The following IL4I1 variants were observed in gnomAD, a reference collection of about 807,000 sequenced individuals.
The protein encoded by IL4I1 is interleukin 4 induced 1.
Under a neutral mutation model 29.7 loss-of-function variants are expected in IL4I1, and 24 were observed. That is an observed-to-expected ratio of 0.81 (90% CI 0.59 to 1.14). The LOEUF is 1.14. IL4I1 is among the 50% of genes most tolerant of loss of function. The pLI is 0.00. For missense variants in IL4I1, 686 were observed against 785.6 expected, an observed-to-expected ratio of 0.87 and a Z score of 1.52; for synonymous variants, 371 against 352.5, an observed-to-expected ratio of 1.05 and a Z score of -0.59.
chr19:49,921,040 A>C lies in IL4I1; in HGVS notation c.-228+6654T>G, dbSNP rs140094733. Among the ~76,000 whole-genome samples, 4 of 152,256 alleles carry C rather than the reference A, an allele frequency of 2.6e-5. No individual in the cohort carries two copies. The highest frequency in any genetic ancestry group is 9.6e-5 in the African/African-American group (4 of 41,534). ...TGGGGGCAGGGTGGCTTTCATTATG[A>C]GAACTGGAAGCAAACACAGCCCCTT... On this transcript the variant is annotated intron_variant, in intron 2 of 9. Coordinates refer to the IL4I1 transcript ENST00000341114. This position sits in a 1 kb window ranked among gnomAD's most constrained non-coding sequence, Gnocchi z 5.4.
Position 49,891,084 on chromosome 19 carries a change from G to T in IL4I1, c.660C>A (p.Asn220Lys), listed in dbSNP as rs1209482115. The change falls in exon 7 of 8, where the codon AAC (asparagine) becomes AAA (lysine). Residue 220 changes from asparagine (N) to lysine (K), a missense_variant. Physicochemically the swap from Asn to Lys is moderately conservative, Grantham distance 94. Transcript: ENST00000391826. Reference sequence around the variant, plus strand: ...GAAGCTGCACGGCCGGCCGGCTCAGGTTCCCCTCCCCGAGAAGATATTCCT... The same window carrying T: ...GAAGCTGCACGGCCGGCCGGCTCAGTTTCCCCTCCCCGAGAAGATATTCCT... ...TLLEYLLGEG[N>K]LSRPAVQLLG... The T allele has an allele frequency of 2.5e-6, 4 of 1,613,214 alleles. No homozygotes were observed. The highest frequency in any genetic ancestry group is 2.5e-6 in the Non-Finnish European group (3 of 1,179,868).
Position 49,908,039 on chromosome 19 carries a change from A to G in IL4I1, c.-227-3718T>C, listed in dbSNP as rs1002040433. 5 of 1,169,218 alleles carry G rather than the reference A, an allele frequency of 4.3e-6. No individual in the cohort carries two copies. The African/African-American group carries it at 7.7e-5, about 18-fold the overall frequency. The allele number at this position is 1,169,218 out of a possible 1,614,324, so 72.4% of individuals were successfully genotyped here. On this transcript the variant is annotated intron_variant, in intron 2 of 9. Transcript: ENST00000341114. ...GAAAGCCACAGAAGCCACACCCATG[A>G]GGCTGCTGCCTGGGCAGAAGGCCCA... is the stretch of plus-strand genomic sequence containing the variant.
chr19:49,896,064 G>A lies in IL4I1; in HGVS notation c.14-11C>T. On this transcript the variant is annotated splice_polypyrimidine_tract_variant and intron_variant, in intron 2 of 7. Transcript: ENST00000391826. ...CGAGGAGGTGCAGGGCTGGGAGGAG[G>A]AGGACAGGGTCAACGGGGTTGTGGC... The A allele has an allele frequency of 1.2e-6, 2 of 1,612,668 alleles. No homozygotes were observed. Among genetic ancestry groups the A allele is most frequent in the African/African-American group, 1.3e-5 (1 of 74,900 alleles).
At chr19:49,917,176 G>T (rs574239180) in intron 2 of IL4I1, among the ~76,000 whole-genome samples, 1 of 152,336 alleles carries the variant, frequency 6.6e-6, no homozygotes, top group African/African-American at 2.4e-5. Flanking sequence ...AGAGAAACAA[G>T]GGGAGATCAG....
intron 3 of IL4I1, 114 bp from the exon 4 acceptor site, chr19:49,895,294 AC>A: frequency 1.3e-6 from 1 of 776,534 alleles, no homozygotes; most frequent in Non-Finnish European, 2.1e-6. Context: ...AGTGGCCCAG[AC>A]CCAGACTAGG....
At chr19:49,923,403 C>T (rs764469857) in intron 2 of IL4I1, among the ~76,000 whole-genome samples, 3 of 152,120 alleles carry the variant, frequency 2.0e-5, no homozygotes, top group Non-Finnish European at 2.9e-5. Flanking sequence ...CAGCACAGGG[C>T]GGGGGGTTGT....
At chr19:49,919,609 A>G (rs1600540982) in intron 2 of IL4I1, among the ~76,000 whole-genome samples, 2 of 152,108 alleles carry the variant, frequency 1.3e-5, no homozygotes, top group African/African-American at 4.8e-5. Flanking sequence ...CCCTGAAGTC[A>G]CCTGACGGCT....
At chr19:49,918,685 G>T (rs1345099539) in intron 2 of IL4I1, 1 of 152,224 alleles carries the variant, frequency 6.6e-6, no homozygotes, top group African/African-American at 2.4e-5. Flanking sequence ...CGGGGGAGAA[G>T]CTGTGATGGA....
At chr19:49,903,830 GT>G (rs113175852) in intron 3 of IL4I1, among the ~76,000 whole-genome samples, 33 of 66,512 alleles carry the variant, frequency 5.0e-4, no homozygotes, top group South Asian at 2.1e-3. Context: ...TATGTGCTGG[GT>G]TTTTTTTTTT....
At chr19:49,901,892 T>C in intron 3 of IL4I1, 1 of 452,042 alleles carries the variant, frequency 2.2e-6, no homozygotes, top group Non-Finnish European at 4.0e-6. Context: ...AAAACCAGAG[T>C]GAGCAGGGGA....
At chr19:49,908,823 T>C (rs1184946692) in intron 2 of IL4I1, 6 of 1,613,332 alleles carry the variant, frequency 3.7e-6, no homozygotes, top group Non-Finnish European at 4.2e-6. Flanking sequence ...TGCGCGTAGG[T>C]CATGGCGGAG....
At chr19:49,894,593 G>A in intron 4 of IL4I1, 124 bp from the exon 5 acceptor site, 1 of 682,472 alleles carries the variant, frequency 1.5e-6, no homozygotes, top group Non-Finnish European at 2.5e-6. Flanking sequence ...CTGGGGGTGG[G>A]GCTAGATTTG....
intron 2 of IL4I1, among the ~76,000 whole-genome samples, chr19:49,914,728 T>TTTG (rs1485118424): frequency 2.2e-4 from 17 of 77,206 alleles, no homozygotes; most frequent in African/African-American, 3.2e-4. Context: ...AAGTCCCAGT[T>TTTG]TTTTTTTTTT....
At position 49,890,111 on chromosome 19, in the gene IL4I1, G is replaced by A. The variant is rs2075110935; in HGVS notation, c.1263C>T (p.Asp421=). The A allele has an allele frequency of 6.5e-7, 1 of 1,543,998 alleles. No homozygotes were observed. The highest frequency in any genetic ancestry group is 8.7e-7 in the Non-Finnish European group (1 of 1,145,416). The change falls in exon 8 of 8, where the codon GAC becomes GAT. Residue 421 remains aspartate, a synonymous_variant. Coordinates refer to ENST00000391826, the MANE Select transcript of IL4I1 (RefSeq NM_152899.2). ...CAGGCCCGTGCAATGCCGCCACGTCGTCGAGCGCCAAGCGCAACGCCTCTT... is the reference window on the plus strand; with the variant it reads ...CAGGCCCGTGCAATGCCGCCACGTCATCGAGCGCCAAGCGCAACGCCTCTT... ...SREEALRLAL[D]DVAALHGPVV...
rs145084636 is a variant in IL4I1 at position 49,909,616 on chromosome 19, G to A, written c.-227-5295C>T. The A allele has an allele frequency of 3.8e-3, 6,184 of 1,613,390 alleles. 15 individuals are homozygous for A. The highest frequency in any genetic ancestry group is 4.9e-3 in the Non-Finnish European group (5,824 of 1,179,364). Reference sequence around the variant, plus strand: ...CTGTCGTCTGTGTGGCCGGAGTCTGGGTGGCAAGTGAGAACAGGCCGGTGG... The same window carrying A: ...CTGTCGTCTGTGTGGCCGGAGTCTGAGTGGCAAGTGAGAACAGGCCGGTGG... On this transcript the variant is annotated intron_variant, in intron 2 of 9. Transcript: ENST00000341114.
chr19:49,928,200 C>G (rs948135603), intron 1 of IL4I1: 2 of 152,196 alleles, frequency 1.3e-5, no homozygotes, highest in Admixed American at 1.3e-4. Flanking sequence ...AGAAATGAGA[C>G]TGGGCCCCAG....
chr19:49,920,750 G>A (rs1023320556), intron 2 of IL4I1, among the ~76,000 whole-genome samples: 16 of 152,336 alleles, frequency 1.1e-4, no homozygotes, highest in Middle Eastern at 6.8e-3. Flanking sequence ...TCTGGTTGGC[G>A]GTGCAGGCAC....
chr19:49,902,856 C>T (rs2075283120), intron 3 of IL4I1, among the ~76,000 whole-genome samples: 1 of 151,530 alleles, frequency 6.6e-6, no homozygotes, highest in African/African-American at 2.4e-5. Context: ...GTGGCTCATG[C>T]CTGTAATCCC....
upstream of IL4I1, among the ~76,000 whole-genome samples, chr19:49,897,116 C>T (rs919496852): frequency 1.3e-5 from 2 of 152,200 alleles, no homozygotes; most frequent in Non-Finnish European, 2.9e-5. Flanking sequence ...AATAGATGCT[C>T]AGGTAACCGT....
Sources: gnomAD v4.1 joint callset for allele counts (sites outside exome capture counted in the v4.1 genomes callset) on GRCh38, gnomAD v4.1.1 for gene constraint, Gnocchi (gnomAD v3.1) non-coding constraint, MANE v1.5 for transcripts, NCBI Gene and HGNC (gene_info 2026-07-23, HGNC 2026-07-21) for gene names.